MAP4K5: variants seen among roughly 807,000 people sequenced by gnomAD.
MAP4K5 encodes the protein MAPK/ERK kinase kinase kinase 5.
In MAP4K5, 82 loss-of-function variants were observed where a neutral mutation model predicts 135.6. The observed-to-expected ratio is 0.60, with a 90% CI of 0.51 to 0.73. The LOEUF is 0.73. MAP4K5 is among the 30% of genes least tolerant of loss of function. The pLI, the probability that MAP4K5 is intolerant of heterozygous loss-of-function variation, is 0.00. For synonymous variants in MAP4K5, 347 were observed against 335.0 expected (o/e 1.04, Z -0.39); for missense variants, 907 against 1,010.9 (o/e 0.90, Z 1.39).
At chr14:50,465,138 GAATGGCTTGAGTCCT>G (rs1261530433) in intron 11 of MAP4K5, among the ~76,000 whole-genome samples, 2 of 152,162 alleles carry the variant, frequency 1.3e-5, no homozygotes, top group Non-Finnish European at 2.9e-5. Context: ...ATCATCCCCA[GAATGGCTTGAGTCCT>G]AAATAAAACT....
chr14:50,527,709 CT>C (rs2038296496), intron 2 of MAP4K5, among the ~76,000 whole-genome samples: 1 of 151,830 alleles, frequency 6.6e-6, no homozygotes, highest in Non-Finnish European at 1.5e-5. Flanking sequence ...TTTCTGTCCC[CT>C]GGGAACTAAA....
intron 3 of MAP4K5, among the ~76,000 whole-genome samples, chr14:50,493,698 C>T (rs765428744): frequency 6.6e-6 from 1 of 152,078 alleles, no homozygotes; most frequent in Admixed American, 6.6e-5. Context: ...AATTTATTTA[C>T]AATAGCATCA....
chr14:50,521,308 C>T (rs1222118189), intron 2 of MAP4K5, among the ~76,000 whole-genome samples: 3 of 152,146 alleles, frequency 2.0e-5, no homozygotes, highest in Admixed American at 6.5e-5. Flanking sequence ...GCTTCTAAGC[C>T]TCATCTGACC....
intron 13 of MAP4K5, among the ~76,000 whole-genome samples, chr14:50,461,450 A>C (rs1595466674): frequency 6.6e-6 from 1 of 152,178 alleles, no homozygotes. Context: ...AAGGACATGA[A>C]GAGACAAATT....
chr14:50,434,464 C>A lies in MAP4K5; in HGVS notation c.2094G>T (p.Ser698=). ...VCVAISKGTE[S]NQVVQFETIN... ...TTGTCTCAAACTGAACTACCTGATT[C>A]GATTCAGTGCCTTTGCTAATAGCTA... The change falls in exon 28 of 33, where the codon TCG becomes TCT. Residue 698 remains serine (S), a synonymous_variant. Transcript: ENST00000682126. The A allele has an allele frequency of 6.2e-7, 1 of 1,609,262 alleles. No homozygotes were observed. Among genetic ancestry groups the A allele is most frequent in the Non-Finnish European group, 8.5e-7 (1 of 1,177,710 alleles).
At chr14:50,556,196 C>T (rs2038763299) in intron 1 of MAP4K5, among the ~76,000 whole-genome samples, 1 of 152,082 alleles carries the variant, frequency 6.6e-6, no homozygotes, top group African/African-American at 2.4e-5. Flanking sequence ...ATAAAATTCA[C>T]CAACTTAGAT....
chr14:50,437,800 A>T, intron 25 of MAP4K5, 94 bp downstream of exon 25: 1 of 849,920 alleles, frequency 1.2e-6, no homozygotes, highest in Non-Finnish European at 1.9e-6. Context: ...TTTGAAAATT[A>T]AGACATAGTT....
chr14:50,506,296 G>C (rs868821850), intron 2 of MAP4K5, among the ~76,000 whole-genome samples: 1 of 152,102 alleles, frequency 6.6e-6, no homozygotes, highest in Non-Finnish European at 1.5e-5. Context: ...AGAATAGAAT[G>C]GGGGAGAGAT....
At chr14:50,434,641 AG>A in intron 27 of MAP4K5, 70 bp from the exon 28 acceptor site, 1 of 1,378,532 alleles carries the variant, frequency 7.3e-7, no homozygotes, top group Non-Finnish European at 9.9e-7. Context: ...TGTTGAATAA[AG>A]TCAACAGAAA....
chr14:50,543,020 A>C (rs941862152), intron 1 of MAP4K5, among the ~76,000 whole-genome samples: 1 of 152,246 alleles, frequency 6.6e-6, no homozygotes, highest in African/African-American at 2.4e-5. Context: ...AAAATTGCCC[A>C]GAATGTGAAA....
At chr14:50,446,587 C>T (rs1035807168) in intron 16 of MAP4K5, among the ~76,000 whole-genome samples, 9 of 152,190 alleles carry the variant, frequency 5.9e-5, no homozygotes, top group Non-Finnish European at 8.8e-5. Context: ...TTGAGAAGCA[C>T]TTATCTAGTC....
At chr14:50,504,730 G>T in intron 3 of MAP4K5, 70 bp downstream of exon 3, 2 of 1,109,336 alleles carry the variant, frequency 1.8e-6, no homozygotes, top group Non-Finnish European at 2.6e-6. Flanking sequence ...GACTTCTTCT[G>T]GGAAGAAGGG....
chr14:50,505,061 A>G (rs888011896), intron 2 of MAP4K5: 3 of 423,840 alleles, frequency 7.1e-6, no homozygotes, highest in Admixed American at 8.9e-5. Context: ...AAAATTACCA[A>G]TAGTCCCACC....
intron 12 of MAP4K5, 100 bp downstream of exon 12, chr14:50,463,952 G>A: frequency 3.5e-5 from 14 of 397,288 alleles, no homozygotes; most frequent in South Asian, 6.4e-5. Context: ...TGCTGTAAGA[G>A]ATCACTAACA....
intron 32 of MAP4K5, 116 bp from the exon 33 acceptor site, chr14:50,420,222 A>T: frequency 1.4e-6 from 1 of 692,962 alleles, no homozygotes; most frequent in Non-Finnish European, 2.6e-6. Context: ...TTACGTAAGG[A>T]TCACAGACGC....
At chr14:50,421,292 CTT>C (rs1265213542) in intron 32 of MAP4K5, among the ~76,000 whole-genome samples, 2 of 151,702 alleles carry the variant, frequency 1.3e-5, no homozygotes, top group East Asian at 1.9e-4. Flanking sequence ...GAGTTTTGCT[CTT>C]GTCGCCCAGG....
At chr14:50,474,403 A>G (rs2037049264) in intron 9 of MAP4K5, among the ~76,000 whole-genome samples, 1 of 152,270 alleles carries the variant, frequency 6.6e-6, no homozygotes, top group South Asian at 2.1e-4. Context: ...AAAAAAAAAA[A>G]GAATCTAACC....
intron 9 of MAP4K5, chr14:50,472,728 T>C (rs960702582): frequency 5.9e-5 from 9 of 152,310 alleles, no homozygotes; most frequent in African/African-American, 2.2e-4. Context: ...CATGTGCACA[T>C]TGGAGATGAA....
chr14:50,474,594 G>A (rs2139868229), intron 9 of MAP4K5, among the ~76,000 whole-genome samples: 1 of 152,220 alleles, frequency 6.6e-6, no homozygotes, highest in African/African-American at 2.4e-5. Flanking sequence ...AGTAATGGTA[G>A]GTAGGATGAA....
Sources: allele counts gnomAD v4.1 joint callset (sites outside exome capture counted in the v4.1 genomes callset), GRCh38; gene constraint gnomAD v4.1.1; transcripts MANE v1.5; gene names NCBI Gene and HGNC (gene_info 2026-07-23, HGNC 2026-07-21).